PTGER3: variants seen among roughly 807,000 people sequenced by gnomAD.
PTGER3 encodes the protein prostaglandin E receptor 3.
PTGER3 carries 22 observed loss-of-function variants against 34.7 expected under a neutral mutation model. The ratio of observed to expected loss-of-function variants is 0.63; its 90% confidence interval spans 0.45 to 0.91. PTGER3 has a LOEUF of 0.91. Ranked by LOEUF, PTGER3 falls within the 40% of genes least tolerant of loss-of-function variation. PTGER3 has a pLI of 0.00. For missense variants in PTGER3, 468 were observed against 519.4 expected, an observed-to-expected ratio of 0.90 and a Z score of 0.96; for synonymous variants, 241 against 230.1, an observed-to-expected ratio of 1.05 and a Z score of -0.43.
At chr1:70,885,518 A>G (rs552340758) in intron 4 of PTGER3, among the ~76,000 whole-genome samples, 37 of 152,360 alleles carry the variant, frequency 2.4e-4, no homozygotes, top group African/African-American at 7.9e-4. Context: ...TAAGTGGTAC[A>G]TATATTATGT....
At chr1:70,936,610 T>C (rs900435160) in intron 4 of PTGER3, among the ~76,000 whole-genome samples, 2 of 152,158 alleles carry the variant, frequency 1.3e-5, no homozygotes, top group African/African-American at 4.8e-5. Flanking sequence ...TGGAAGAGGC[T>C]TTGTATGTTC....
chr1:70,925,160 A>G (rs921910151), intron 4 of PTGER3, among the ~76,000 whole-genome samples: 14 of 152,096 alleles, frequency 9.2e-5, no homozygotes, highest in African/African-American at 2.2e-4. Context: ...GACTGCCACC[A>G]TGCTTGGCTA....
intron 4 of PTGER3, among the ~76,000 whole-genome samples, chr1:70,883,749 T>C (rs1646440214): frequency 6.6e-6 from 1 of 152,196 alleles, no homozygotes; most frequent in Admixed American, 6.5e-5. Flanking sequence ...TCTATAATAC[T>C]AAATGTTGCT....
chr1:70,908,653 A>T (rs942979), intron 4 of PTGER3, among the ~76,000 whole-genome samples: 99,424 of 152,034 alleles, frequency 0.65, 32,647 homozygotes, highest in East Asian at 0.78. Flanking sequence ...GATCTGCTTC[A>T]ATGTGAACCC....
intron 4 of PTGER3, among the ~76,000 whole-genome samples, chr1:70,932,692 C>T (rs1648826608): frequency 6.6e-6 from 1 of 152,162 alleles, no homozygotes; most frequent in African/African-American, 2.4e-5. Context: ...TTATCTCCCA[C>T]CTGGTCCCTC....
chr1:70,944,585 G>T (rs1380690540), intron 4 of PTGER3, among the ~76,000 whole-genome samples: 1 of 152,066 alleles, frequency 6.6e-6, no homozygotes, highest in African/African-American at 2.4e-5. Flanking sequence ...AAACAAAAAA[G>T]TCCAGATAAA....
intron 4 of PTGER3, among the ~76,000 whole-genome samples, chr1:70,869,533 A>C (rs925894205): frequency 6.6e-6 from 1 of 152,208 alleles, no homozygotes; most frequent in African/African-American, 2.4e-5. Context: ...TTTCATCTGG[A>C]GATAAGTTCC....
In PTGER3 at chr1:71,047,096, G is replaced by A. The variant is rs1309850423; in HGVS notation, c.482C>T (p.Ala161Val). ...CATGTGGCTCGCATACCAGTGCGGCGCCCTGATGGCCAGCGCCCGCTCGAC... is the reference window on the plus strand; with the variant it reads ...CATGTGGCTCGCATACCAGTGCGGCACCCTGATGGCCAGCGCCCGCTCGAC... ...MAVERALAIR[A>V]PHWYASHMKT... The change falls in exon 1 of 4, where the codon GCG becomes GTG. Residue 161 changes from alanine to valine, a missense_variant. This residue lies in a region of PTGER3 where 204 missense variants were observed against 230.8 expected (regional missense o/e 0.88). Transcript: ENST00000306666. 1.2e-6 allele frequency: 2 copies of A among 1,607,516 alleles called. No homozygotes were observed. Among genetic ancestry groups the A allele is most frequent in the Admixed American group, 1.7e-5 (1 of 58,872 alleles).
intron 4 of PTGER3, among the ~76,000 whole-genome samples, chr1:70,875,727 G>C (rs565989955): frequency 6.6e-6 from 1 of 152,062 alleles, no homozygotes; most frequent in Non-Finnish European, 1.5e-5. Flanking sequence ...TGGCATTTGG[G>C]TTTCTTTTTC....
chr1:70,940,679 G>C (rs561982418), intron 4 of PTGER3, among the ~76,000 whole-genome samples: 2 of 152,198 alleles, frequency 1.3e-5, no homozygotes, highest in African/African-American at 4.8e-5. Context: ...TTACCATCAT[G>C]AGAATAGCAT....
At chr1:70,972,576 C>T (rs987035566) in intron 3 of PTGER3, among the ~76,000 whole-genome samples, 1 of 151,798 alleles carries the variant, frequency 6.6e-6, no homozygotes, top group Non-Finnish European at 1.5e-5. Context: ...CCTTTCAGTA[C>T]TTGGGTAATG....
At chr1:71,000,644 C>A (rs1656387289) in intron 2 of PTGER3, among the ~76,000 whole-genome samples, 1 of 151,936 alleles carries the variant, frequency 6.6e-6, no homozygotes, top group Non-Finnish European at 1.5e-5. Context: ...CAGAGAAAAC[C>A]AGAAAAATGT....
intron 2 of PTGER3, chr1:71,010,588 T>C (rs776490758): frequency 2.0e-6 from 2 of 984,828 alleles, no homozygotes; most frequent in Non-Finnish European, 2.4e-6. Context: ...GCCTCTTTAT[T>C]ATGTGATTTC....
intron 1 of PTGER3, among the ~76,000 whole-genome samples, chr1:71,045,418 T>A (rs1179281400): frequency 6.6e-6 from 1 of 152,246 alleles, no homozygotes; most frequent in Non-Finnish European, 1.5e-5. Context: ...TTTCCACAAC[T>A]GTATAATACA....
chr1:70,981,735 C>T (rs1654391385), intron 2 of PTGER3, among the ~76,000 whole-genome samples: 1 of 151,876 alleles, frequency 6.6e-6, no homozygotes. Context: ...TTACAATAAA[C>T]CTCCTCTTGC....
chr1:71,021,679 T>C (rs2817859), intron 1 of PTGER3, among the ~76,000 whole-genome samples: 2,494 of 151,908 alleles, frequency 0.016, 139 homozygotes, highest in African/African-American at 0.058. Context: ...TGTTCAATTT[T>C]ACTCTCATCC....
chr1:70,937,885 TA>T lies in PTGER3; in HGVS notation c.*23+15877del, dbSNP rs61197282. Reference sequence around the variant, plus strand: ...GCTTTTAAGCATATTTCACTTTTATTAAAAAAAAATAGAAAGGTGGTTTTAT... The same window carrying T: ...GCTTTTAAGCATATTTCACTTTTATTAAAAAAAATAGAAAGGTGGTTTTAT... On this transcript the variant is annotated intron_variant, in intron 4 of 4. Coordinates refer to the PTGER3 transcript ENST00000370931. Among the ~76,000 whole-genome samples the T allele has an allele frequency of 7.3e-5, 11 of 151,266 alleles. No individual in the cohort carries two copies. In the East Asian group the frequency reaches 9.7e-4, roughly 13 times the overall value.
chr1:71,026,119 A>G (rs1268713935), intron 1 of PTGER3, among the ~76,000 whole-genome samples: 2 of 152,208 alleles, frequency 1.3e-5, no homozygotes, highest in Non-Finnish European at 2.9e-5. Flanking sequence ...TATTGGCATC[A>G]GGAACTTCCT....
chr1:70,886,650 T>C (rs1162896811), intron 4 of PTGER3, among the ~76,000 whole-genome samples: 1 of 152,232 alleles, frequency 6.6e-6, no homozygotes, highest in African/African-American at 2.4e-5. Context: ...GCATCTTTAC[T>C]CTGCTTTAGT....
Sources: gnomAD v4.1 joint callset for allele counts (sites outside exome capture counted in the v4.1 genomes callset) on GRCh38, gnomAD v4.1.1 for gene constraint, gnomAD v4.1.1 regional missense constraint, MANE v1.5 for transcripts, NCBI Gene and HGNC (gene_info 2026-07-23, HGNC 2026-07-21) for gene names.